Variants in THAP12 observed in about 807,000 individuals in gnomAD.
THAP12 encodes 52 kDa repressor of the inhibitor of the protein kinase.
Under a neutral mutation model 63.0 loss-of-function variants are expected in THAP12, and 20 were observed. The observed-to-expected ratio is 0.32, with a 90% CI of 0.22 to 0.46. The LOEUF (loss-of-function observed/expected upper bound fraction) is 0.46, where lower values mean the gene tolerates loss of function less well. Ranked by LOEUF, THAP12 falls within the 20% of genes least tolerant of loss-of-function variation. THAP12 has a pLI of 1.00. For synonymous variants in THAP12, 264 were observed against 328.4 expected, an observed-to-expected ratio of 0.80 and a Z score of 2.12; for missense variants, 568 against 908.2, an observed-to-expected ratio of 0.63 and a Z score of 4.81.
chr11:76,379,410 T>C lies in THAP12; in HGVS notation c.89+1338A>G, dbSNP rs563881804. On this transcript the variant is annotated intron_variant, in intron 1 of 4. Coordinates refer to ENST00000260045, the MANE Select transcript of THAP12 (RefSeq NM_004705.4). ...CCTATTTCACTCATAATAAAAACCA[T>C]AGTGCCTTCCAAGACCTACAAGGTC... 2.6e-5 allele frequency among the ~76,000 whole-genome samples: 4 copies of C among 152,284 alleles called. No individual in the cohort carries two copies. In the South Asian group the frequency reaches 6.2e-4, roughly 24 times the overall value.
chr11:76,373,495 A>G (rs1478897943), intron 1 of THAP12, among the ~76,000 whole-genome samples: 3 of 151,642 alleles, frequency 2.0e-5, no homozygotes, highest in African/African-American at 4.8e-5. Context: ...CAAGGGGGGA[A>G]TGCTTCAGCT....
At chr11:76,355,381 G>A (rs111927654) in intron 4 of THAP12, among the ~76,000 whole-genome samples, 3 of 152,208 alleles carry the variant, frequency 2.0e-5, no homozygotes, top group Non-Finnish European at 1.5e-5. Flanking sequence ...GAGAGGAGGC[G>A]TCACCTCCAT....
Position 76,352,194 on chromosome 11 carries a change from C to G in THAP12, c.956G>C (p.Gly319Ala), listed in dbSNP as rs780684867. 1.2e-6 allele frequency: 2 copies of G among 1,610,130 alleles called. No individual in the cohort carries two copies. The highest frequency in any genetic ancestry group is 2.2e-5 in the South Asian group (2 of 90,676). Residue 319 changes from glycine (G) to alanine (A), a missense_variant, in exon 5 of 5, where the codon GGA becomes GCA. Coordinates refer to ENST00000260045, the MANE Select transcript of THAP12 (RefSeq NM_004705.4). ...GCCACGACAATACTCCATATTTAATCCCCACTTCTCAGTTATCATAGTGTG... is the reference window on the plus strand; with the variant it reads ...GCCACGACAATACTCCATATTTAATGCCCACTTCTCAGTTATCATAGTGTG... Reference protein sequence around the residue: ...KFHTMITEKWGLNMEYCRGQA... With the variant: ...KFHTMITEKWALNMEYCRGQA...
intron 1 of THAP12, among the ~76,000 whole-genome samples, chr11:76,366,683 A>G (rs780897233): frequency 1.8e-4 from 24 of 135,896 alleles, no homozygotes; most frequent in East Asian, 1.0e-3. Flanking sequence ...TCCGTCTCGG[A>G]AAAAAAAAAA....
chr11:76,377,729 C>T (rs577038579), intron 1 of THAP12, among the ~76,000 whole-genome samples: 1 of 152,222 alleles, frequency 6.6e-6, no homozygotes, highest in East Asian at 1.9e-4. Flanking sequence ...TTTTGAATAT[C>T]AGTTTGCAAT....
At chr11:76,379,513 A>C (rs1565237596) in intron 1 of THAP12, among the ~76,000 whole-genome samples, 1 of 151,796 alleles carries the variant, frequency 6.6e-6, no homozygotes, top group Non-Finnish European at 1.5e-5. Flanking sequence ...CTCTCCCTGG[A>C]CTCCTGGTTG....
chr11:76,352,582 C>A lies in THAP12; in HGVS notation c.568G>T (p.Glu190Ter). The change falls in exon 5 of 5, where the codon GAA becomes TAA. Residue 190 changes from glutamate (E) to a stop codon, truncating the protein, a stop_gained. Transcript: ENST00000260045. LOFTEE classifies it high-confidence loss of function. ...GGAGTAAAGAGACCTTCTGGGATTT[C>A]ATCAGCCTCATGTCCATCCAGAGGT... ...NIPLDGHEAD[E>*]IPEGLFTPDN... 6.2e-7 allele frequency: 1 copy of A among 1,611,958 alleles called. No individual in the cohort carries two copies. The highest frequency in any genetic ancestry group is 8.5e-7 in the Non-Finnish European group (1 of 1,179,800).
rs145285187 is a variant in THAP12 at position 76,375,293 on chromosome 11, T to C, written c.89+5455A>G. Among the ~76,000 whole-genome samples, 282 of 151,954 alleles carry C rather than the reference T, an allele frequency of 1.9e-3. 1 individual carries two copies. The highest frequency in any genetic ancestry group is 6.3e-3 in the African/African-American group (260 of 41,432). On this transcript the variant is annotated intron_variant, in intron 1 of 4. Transcript: ENST00000260045. ...CAGAGCAATTCATTAGCTCTACCTG[T>C]ACCATCTCCTGGTTTAGGAAGAGCT... is the stretch of plus-strand genomic sequence containing the variant.
intron 1 of THAP12, among the ~76,000 whole-genome samples, chr11:76,368,362 T>A (rs1946646933): frequency 3.3e-5 from 5 of 152,212 alleles, no homozygotes; most frequent in Admixed American, 3.3e-4. Flanking sequence ...TCCAAAGATG[T>A]CAATTCTCCC....
chr11:76,365,775 C>T, intron 2 of THAP12, 77 bp downstream of exon 2: 1 of 1,500,740 alleles, frequency 6.7e-7, no homozygotes, highest in Non-Finnish European at 9.0e-7. Context: ...TTGGTAAATA[C>T]TTACATTTCC....
chr11:76,376,614 T>C (rs1048431857), intron 1 of THAP12, among the ~76,000 whole-genome samples: 12 of 125,942 alleles, frequency 9.5e-5, no homozygotes, highest in African/African-American at 3.2e-4. Flanking sequence ...ATTGTGTCTA[T>C]GTTTTTTTTG....
At chr11:76,363,406 A>G (rs1239894509) in intron 2 of THAP12, among the ~76,000 whole-genome samples, 1 of 151,952 alleles carries the variant, frequency 6.6e-6, no homozygotes, top group Non-Finnish European at 1.5e-5. Context: ...GGGTCTCACC[A>G]CCATGTTGCC....
At chr11:76,365,284 A>C (rs1437555035) in intron 2 of THAP12, among the ~76,000 whole-genome samples, 1 of 148,866 alleles carries the variant, frequency 6.7e-6, no homozygotes, top group Admixed American at 6.7e-5. Flanking sequence ...ACAGAGCAAG[A>C]CTGTCTTTAA....
intron 3 of THAP12, 125 bp from the exon 4 acceptor site, chr11:76,355,779 A>G: frequency 1.3e-6 from 1 of 741,304 alleles, no homozygotes; most frequent in Non-Finnish European, 2.1e-6. Flanking sequence ...CAAGAGCATA[A>G]ATTCTTTATA....
At chr11:76,352,844 A>C in intron 4 of THAP12, 50 bp from the exon 5 acceptor site, 3 of 1,489,690 alleles carry the variant, frequency 2.0e-6, no homozygotes, top group Non-Finnish European at 2.7e-6. Context: ...AAAACCATAC[A>C]CAACAAAAAA....
At chr11:76,360,155 G>A (rs1242572769) in intron 3 of THAP12, among the ~76,000 whole-genome samples, 1 of 151,924 alleles carries the variant, frequency 6.6e-6, no homozygotes, top group African/African-American at 2.4e-5. Context: ...AACTCCAAAT[G>A]GATAAAATAT....
chr11:76,351,713 G>A lies in THAP12; in HGVS notation c.1437C>T (p.Phe479=), dbSNP rs1262596162. 5 of 1,604,274 alleles carry A rather than the reference G, an allele frequency of 3.1e-6. No homozygotes were observed. The highest frequency in any genetic ancestry group is 1.7e-5 in the Admixed American group (1 of 57,768). ...VLCSAVSDFD[F]IVTIVVLKNV... is the part of the protein sequence containing the mutation. Reference sequence around the variant, plus strand: ...TTTTAAGAACAACAATAGTAACAATGAAATCAAAATCTGACACTGCACTGC... The same window carrying A: ...TTTTAAGAACAACAATAGTAACAATAAAATCAAAATCTGACACTGCACTGC... Residue 479 remains phenylalanine, a synonymous_variant, in exon 5 of 5, where the codon TTC becomes TTT. Transcript: ENST00000260045.
intron 2 of THAP12, among the ~76,000 whole-genome samples, chr11:76,365,286 T>C (rs938498591): frequency 1.4e-5 from 2 of 144,874 alleles, no homozygotes; most frequent in African/African-American, 5.2e-5. Flanking sequence ...AGAGCAAGAC[T>C]GTCTTTAAAA....
At chr11:76,355,961 A>T (rs1946558425) in intron 3 of THAP12, 1 of 210,014 alleles carries the variant, frequency 4.8e-6, no homozygotes, top group African/African-American at 2.3e-5. Context: ...AAAGGCACAA[A>T]AATACACCAT....
Sources: gnomAD v4.1 joint callset for allele counts (sites outside exome capture counted in the v4.1 genomes callset) on GRCh38, gnomAD v4.1.1 for gene constraint, MANE v1.5 for transcripts, NCBI Gene and HGNC (gene_info 2026-07-23, HGNC 2026-07-21) for gene names.